The following NRG1 variants were observed in gnomAD, a reference collection of about 807,000 sequenced individuals.
NRG1 encodes neuregulin 1.
Under a neutral mutation model 63.8 loss-of-function variants are expected in NRG1, and 18 were observed. The ratio of observed to expected loss-of-function variants is 0.28; its 90% CI spans 0.19 to 0.42. NRG1 has a LOEUF of 0.42. NRG1 is among the 10% of genes least tolerant of loss of function. The pLI, the probability that NRG1 is intolerant of heterozygous loss-of-function variation, is 1.00. For missense variants in NRG1, 762 were observed against 814.7 expected (o/e 0.94, Z 0.79); for synonymous variants, 302 against 301.3 (o/e 1.00, Z -0.02).
At chr8:32,706,212 G>A (rs998393271) in intron 5 of NRG1, among the ~76,000 whole-genome samples, 18 of 152,306 alleles carry the variant, frequency 1.2e-4, no homozygotes, top group South Asian at 1.0e-3. Context: ...TGTGACTGTC[G>A]TGGAGAAGCC....
intron 1 of NRG1, among the ~76,000 whole-genome samples, chr8:32,042,231 G>A (rs540739582): frequency 3.1e-4 from 47 of 152,056 alleles, no homozygotes; most frequent in East Asian, 1.7e-3. Flanking sequence ...AATTGCTTGC[G>A]GCCAGGAGTT....
At chr8:31,864,398 G>A (rs116027838) in intron 1 of NRG1, among the ~76,000 whole-genome samples, 60 of 152,282 alleles carry the variant, frequency 3.9e-4, no homozygotes, top group African/African-American at 1.4e-3. Context: ...GCCAACTGAT[G>A]TGAAGATTTG....
intron 1 of NRG1, chr8:32,256,453 G>C (rs1035691673): frequency 1.3e-5 from 2 of 152,238 alleles, no homozygotes; most frequent in Non-Finnish European, 2.9e-5. Context: ...TCTACTGCAG[G>C]TCTGCAGGAG....
chr8:31,810,320 A>G (rs1165868466), intron 1 of NRG1, among the ~76,000 whole-genome samples: 1 of 152,162 alleles, frequency 6.6e-6, no homozygotes, highest in Admixed American at 6.5e-5. Flanking sequence ...AATGTAAAAC[A>G]TAAATCAAGT....
At chr8:32,754,176 G>C (rs1476383671) in intron 7 of NRG1, among the ~76,000 whole-genome samples, 196 bp from the exon 8 acceptor site, 1 of 152,088 alleles carries the variant, frequency 6.6e-6, no homozygotes, top group Non-Finnish European at 1.5e-5. Context: ...GCCCCAGCTG[G>C]CTTTTTTATA....
chr8:32,255,517 G>A (rs1293598878), intron 1 of NRG1, among the ~76,000 whole-genome samples: 1 of 152,116 alleles, frequency 6.6e-6, no homozygotes, highest in Non-Finnish European at 1.5e-5. Flanking sequence ...TTGAATATTG[G>A]CCCCCAATCT....
chr8:32,760,117 C>A, intron 10 of NRG1, 83 bp from the exon 11 acceptor site: 1 of 1,502,246 alleles, frequency 6.7e-7, no homozygotes. Context: ...AAACATTTGT[C>A]AGAATCCATT....
At chr8:31,867,260 T>G (rs1387010202) in intron 1 of NRG1, among the ~76,000 whole-genome samples, 1 of 152,176 alleles carries the variant, frequency 6.6e-6, no homozygotes, top group Non-Finnish European at 1.5e-5. Context: ...ACACGAGCTC[T>G]TTCCTATTAA....
intron 1 of NRG1, among the ~76,000 whole-genome samples, chr8:32,140,478 T>C (rs75912252): frequency 2.0e-5 from 3 of 151,746 alleles, no homozygotes; most frequent in Non-Finnish European, 4.4e-5. Context: ...TTTTTTTTTT[T>C]CTGAGAAAAG....
intron 1 of NRG1, among the ~76,000 whole-genome samples, chr8:32,199,678 A>C (rs917322831): frequency 6.6e-6 from 1 of 152,198 alleles, no homozygotes; most frequent in East Asian, 1.9e-4. Flanking sequence ...GTCCAATAAC[A>C]TATTTCTAAT....
At chr8:32,679,521 A>G (rs904572899) in intron 5 of NRG1, among the ~76,000 whole-genome samples, 1 of 152,112 alleles carries the variant, frequency 6.6e-6, no homozygotes, top group African/African-American at 2.4e-5. Flanking sequence ...TCACTTTTTT[A>G]CCCTAATACG....
intron 1 of NRG1, among the ~76,000 whole-genome samples, chr8:31,738,701 T>C (rs1338377646): frequency 6.6e-6 from 1 of 152,076 alleles, no homozygotes; most frequent in Non-Finnish European, 1.5e-5. Flanking sequence ...TGGCAGATCC[T>C]TCCTTGCCTC....
intron 1 of NRG1, among the ~76,000 whole-genome samples, chr8:32,279,201 T>C (rs1321980336): frequency 6.6e-6 from 1 of 152,156 alleles, no homozygotes; most frequent in Non-Finnish European, 1.5e-5. Context: ...CTGAAGGAGA[T>C]CCTGGCATTT....
chr8:32,562,536 A>G (rs7833971), intron 1 of NRG1, among the ~76,000 whole-genome samples: 27,640 of 152,084 alleles, frequency 0.18, 2,626 homozygotes, highest in Non-Finnish European at 0.21. Context: ...GGCATGAACC[A>G]CTGTGCCTGG....
At chr8:32,564,916 A>G (rs1166842356) in intron 1 of NRG1, among the ~76,000 whole-genome samples, 2 of 152,092 alleles carry the variant, frequency 1.3e-5, no homozygotes, top group Non-Finnish European at 2.9e-5. Context: ...TACCAAAAAA[A>G]AAAGTTAGCC....
intron 5 of NRG1, among the ~76,000 whole-genome samples, chr8:32,667,632 A>C (rs905452903): frequency 1.1e-4 from 16 of 152,164 alleles, no homozygotes; most frequent in African/African-American, 3.1e-4. Flanking sequence ...GTGAAGATGC[A>C]GTAAGTGCTT....
At chr8:32,548,185 G>T, upstream of NRG1, 8 of 972,444 alleles carry the variant, frequency 8.2e-6, no homozygotes, top group Non-Finnish European at 9.8e-6. Flanking sequence ...CGGGGTGGGG[G>T]TGTGGTGGGG....
chr8:31,639,910 A>C, intron 1 of NRG1: 3 of 1,090,688 alleles, frequency 2.8e-6, no homozygotes, highest in Non-Finnish European at 3.3e-6. Context: ...TGCGAGGGGA[A>C]GGAAAAGGGA....
chr8:32,460,479 C>G (rs1026101854), intron 1 of NRG1, among the ~76,000 whole-genome samples: 1 of 152,158 alleles, frequency 6.6e-6, no homozygotes, highest in Non-Finnish European at 1.5e-5. Flanking sequence ...TAAATAAACC[C>G]AAACGCCTTT....
Sources: gnomAD v4.1 joint callset for allele counts (sites outside exome capture counted in the v4.1 genomes callset) on GRCh38, gnomAD v4.1.1 for gene constraint, MANE v1.5 for transcripts, NCBI Gene and HGNC (gene_info 2026-07-23, HGNC 2026-07-21) for gene names.